Variants in NT5DC3 observed in about 807,000 individuals in gnomAD.
NT5DC3 encodes the protein 5'-nucleotidase domain containing 3.
Under a neutral mutation model 67.8 loss-of-function variants are expected in NT5DC3, and 42 were observed. The ratio of observed to expected loss-of-function variants is 0.62; its 90% CI spans 0.48 to 0.80. The LOEUF is 0.80. Among genes scored for constraint, NT5DC3 ranks in the 30% least tolerant of loss-of-function variants. NT5DC3 has a pLI of 0.00. For missense variants in NT5DC3, 570 were observed against 696.4 expected (o/e 0.82, Z 2.04); for synonymous variants, 237 against 255.6 (o/e 0.93, Z 0.69).
At chr12:103,830,185 A>G (rs1593439623) in intron 1 of NT5DC3, among the ~76,000 whole-genome samples, 1 of 152,362 alleles carries the variant, frequency 6.6e-6, no homozygotes, top group East Asian at 1.9e-4. Flanking sequence ...CCCATTTTAC[A>G]TATAAGGAAA....
chr12:103,802,485 T>C (rs1445020367), intron 4 of NT5DC3: 2 of 152,204 alleles, frequency 1.3e-5, no homozygotes, highest in African/African-American at 2.4e-5. Flanking sequence ...ACCAAACACA[T>C]GACTCAAGTC....
intron 12 of NT5DC3, among the ~76,000 whole-genome samples, chr12:103,784,870 T>C (rs1277514712): frequency 6.6e-6 from 1 of 152,180 alleles, no homozygotes; most frequent in Non-Finnish European, 1.5e-5. Flanking sequence ...CAGAATCAAC[T>C]GAGGCTGGAC....
chr12:103,761,229 A>C, the NT5DC3 span: 1 of 1,455,760 alleles, frequency 6.9e-7, no homozygotes, highest in Non-Finnish European at 9.6e-7. Flanking sequence ...GGGAAAATTG[A>C]ACAACTTCCC....
chr12:103,780,273 CG>C (rs1885496284), intron 13 of NT5DC3, 26 bp downstream of exon 13: 1 of 1,597,748 alleles, frequency 6.3e-7, no homozygotes, highest in African/African-American at 1.3e-5. Flanking sequence ...GTGGTGGACG[CG>C]CACATTCAAT....
rs1342988730 is a variant in NT5DC3 at position 103,777,545 on chromosome 12, T to C, written c.*284A>G. The C allele has an allele frequency of 6.5e-6, 3 of 458,060 alleles. No individual in the cohort carries two copies. The highest frequency in any genetic ancestry group is 5.5e-4 in the Middle Eastern group (1 of 1,814). The allele number at this position is 458,060 out of a possible 1,614,324, so 28.4% of individuals were successfully genotyped here. On this transcript the variant is annotated 3_prime_UTR_variant, in exon 14 of 14. Coordinates refer to ENST00000392876, the MANE Select transcript of NT5DC3 (RefSeq NM_001031701.3). The stretch of plus-strand genomic sequence containing the variant: ...AGACATGGCATCAAGTGGTCTCACC[T>C]ATCCCAGGAAACCTGATGTTCCAGG...
In NT5DC3 at chr12:103,831,163, T is replaced by C. The variant is rs117624182; in HGVS notation, c.208+9786A>G. 3.2e-3 allele frequency among the ~76,000 whole-genome samples: 485 copies of C among 152,288 alleles called. 3 individuals carry two copies. The highest frequency in any genetic ancestry group is 0.029 in the East Asian group (149 of 5,182). ...TGTGTCAAGGGCGGGAGCAGGTAAC[T>C]GAATCATGGGGGCAGCTTCCCCCAT... On this transcript the variant is annotated intron_variant, in intron 1 of 13. Coordinates refer to ENST00000392876, the MANE Select transcript of NT5DC3 (RefSeq NM_001031701.3).
At chr12:103,816,498 C>T (rs957808718) in intron 1 of NT5DC3, among the ~76,000 whole-genome samples, 15 of 152,200 alleles carry the variant, frequency 9.9e-5, no homozygotes, top group Admixed American at 4.6e-4. Flanking sequence ...GGTTTGTAGA[C>T]GTGTGACTAC....
chr12:103,799,347 G>C (rs1292679384), intron 4 of NT5DC3, among the ~76,000 whole-genome samples: 1 of 152,122 alleles, frequency 6.6e-6, no homozygotes, highest in Non-Finnish European at 1.5e-5. Flanking sequence ...GAGGGACCTG[G>C]TGGGAGAACA....
rs569740255 is a variant in NT5DC3, at chr12:103,831,531, C to A, written c.208+9418G>T. On this transcript the variant is annotated intron_variant, in intron 1 of 13. Transcript: ENST00000392876. ...CGGGACACTTCCAAAACCTGCCCCC[C>A]CACACACAGAAAAAATATCTAGAGC... is the stretch of plus-strand genomic sequence containing the variant. Among the ~76,000 whole-genome samples the A allele has an allele frequency of 4.3e-4, 66 of 152,220 alleles. 1 individual carries two copies. In the South Asian group the frequency reaches 0.013, roughly 31 times the overall value.
intron 13 of NT5DC3, 83 bp downstream of exon 13, chr12:103,780,217 G>A: frequency 8.6e-7 from 1 of 1,159,016 alleles, no homozygotes; most frequent in Non-Finnish European, 1.3e-6. Flanking sequence ...TTATGCCTCA[G>A]GCTGGCCCTG....
chr12:103,788,345 C>A (rs1264115307), intron 10 of NT5DC3, among the ~76,000 whole-genome samples: 1 of 152,186 alleles, frequency 6.6e-6, no homozygotes, highest in African/African-American at 2.4e-5. Context: ...ACCTGGGAGG[C>A]TGAGATGGAA....
At chr12:103,781,992 G>A (rs67294103) in intron 12 of NT5DC3, among the ~76,000 whole-genome samples, 1,772 of 152,270 alleles carry the variant, frequency 0.012, 27 homozygotes, top group Middle Eastern at 0.051. Context: ...TCCAGCCACC[G>A]GCCCATTTTT....
At chr12:103,834,746 A>G (rs1405395407) in intron 1 of NT5DC3, among the ~76,000 whole-genome samples, 2 of 152,236 alleles carry the variant, frequency 1.3e-5, no homozygotes, top group Non-Finnish European at 2.9e-5. Context: ...GAGAAAGGAT[A>G]AAACAAAGCT....
chr12:103,765,621 C>T (rs566401653), downstream of NT5DC3, among the ~76,000 whole-genome samples: 10 of 152,292 alleles, frequency 6.6e-5, no homozygotes, highest in African/African-American at 2.2e-4. Flanking sequence ...TGGAGTGCAG[C>T]GGCACCATCA....
In NT5DC3 at chr12:103,793,958, T is replaced by C. The variant is rs761821746; in HGVS notation, c.793A>G (p.Arg265Gly). Residue 265 changes from arginine (R) to glycine (G), a missense_variant, in exon 7 of 14, where the codon AGA (arginine) becomes GGA (glycine). This residue lies in a region of NT5DC3 where 466 missense variants were observed against 608.0 expected (regional missense o/e 0.77). Coordinates refer to ENST00000392876, the MANE Select transcript of NT5DC3 (RefSeq NM_001031701.3). ...ATACCAATGTCTGCTTCAATTGCTC[T>C]GTACATTATTCCTTTGATGTGGACG... is the stretch of plus-strand genomic sequence containing the variant. ...RDVHIKGIMY[R>G]AIEADIEKYI... 3.1e-6 allele frequency: 5 copies of C among 1,613,640 alleles called. No individual in the cohort carries two copies. Among genetic ancestry groups the C allele is most frequent in the Non-Finnish European group, 4.2e-6 (5 of 1,179,506 alleles).
chr12:103,841,117 C>G lies in NT5DC3; in HGVS notation c.40G>C (p.Gly14Arg). 4 of 1,060,054 alleles carry G rather than the reference C, an allele frequency of 3.8e-6. No homozygotes were observed. Among genetic ancestry groups the G allele is most frequent in the Non-Finnish European group, 4.9e-6 (4 of 812,526 alleles). The allele number at this position is 1,060,054 out of a possible 1,614,324, so 65.7% of individuals were successfully genotyped here. A position where few individuals can be genotyped will look rare whatever the true frequency, so the allele number is the denominator to read the frequency against. The change falls in exon 1 of 14, where the codon GGG becomes CGG. Residue 14 changes from glycine (G) to arginine (R), a missense_variant. Physicochemically the swap from Gly to Arg is moderately radical, Grantham distance 125. Coordinates refer to ENST00000392876, the MANE Select transcript of NT5DC3 (RefSeq NM_001031701.3). ...AAAAVVARGAGARAATAAALR... is the reference protein window; with the variant it reads ...AAAAVVARGARARAATAAALR... ...GCCGCCGCTGTCGCTGCCCTCGCCC[C>G]GGCCCCGCGTGCCACCACCGCCGCC...
At chr12:103,750,508 C>T in the NT5DC3 span, 5 of 1,585,634 alleles carry the variant, frequency 3.2e-6, no homozygotes, top group Non-Finnish European at 4.3e-6. Flanking sequence ...GACATTGGTC[C>T]CATGGGCACT....
intron 12 of NT5DC3, among the ~76,000 whole-genome samples, chr12:103,781,816 C>T (rs1206186817): frequency 6.6e-6 from 1 of 152,160 alleles, no homozygotes; most frequent in African/African-American, 2.4e-5. Context: ...AAAGACTAAC[C>T]GAAGCCCCAC....
intron 12 of NT5DC3, 86 bp downstream of exon 12, chr12:103,785,249 A>AT: frequency 1.5e-6 from 2 of 1,306,868 alleles, no homozygotes; most frequent in South Asian, 2.5e-5. Flanking sequence ...CTCATATTTT[A>AT]TAACAATTAA....
Sources: allele counts gnomAD v4.1 joint callset (sites outside exome capture counted in the v4.1 genomes callset), GRCh38; gene constraint gnomAD v4.1.1; regional missense constraint gnomAD v4.1.1; transcripts MANE v1.5; gene names NCBI Gene and HGNC (gene_info 2026-07-23, HGNC 2026-07-21).